Variants in CDC45 observed in about 807,000 individuals in gnomAD.
The protein encoded by CDC45 is cell division cycle 45.
In CDC45, 54 loss-of-function variants were observed where a neutral mutation model predicts 77.8. That is an observed-to-expected ratio of 0.69 (90% CI 0.56 to 0.87). The LOEUF (loss-of-function observed/expected upper bound fraction) is 0.87, where lower values mean the gene tolerates loss of function less well. Ranked by LOEUF, CDC45 falls within the 40% of genes least tolerant of loss-of-function variation. CDC45 has a pLI of 0.00. For synonymous variants in CDC45, 260 were observed against 272.1 expected (o/e 0.96, Z 0.44); for missense variants, 649 against 721.6 (o/e 0.90, Z 1.15).
rs2089972209 is a variant in CDC45, at chr22:19,481,013, C to T, written c.172C>T (p.Leu58Phe). 1.9e-6 allele frequency: 3 copies of T among 1,613,576 alleles called. No homozygotes were observed. The change falls in exon 3 of 19, where the codon CTT (leucine) becomes TTT (phenylalanine). Residue 58 changes from leucine to phenylalanine, a missense_variant. Leu to Phe is a conservative substitution (Grantham distance 22). Coordinates refer to ENST00000263201, the MANE Select transcript of CDC45 (RefSeq NM_003504.5). Reference protein sequence around the residue: ...TLVPVSGWQELETAFLEHKEQ... With the variant: ...TLVPVSGWQEFETAFLEHKEQ... Reference sequence around the variant, plus strand: ...GGTTCCAGTTTCTGGGTGGCAAGAACTTGAAACTGCATTTCTTGAGCATAA... The same window carrying T: ...GGTTCCAGTTTCTGGGTGGCAAGAATTTGAAACTGCATTTCTTGAGCATAA...
At chr22:19,486,405 A>G (rs1391170517) in intron 5 of CDC45, among the ~76,000 whole-genome samples, 1 of 152,212 alleles carries the variant, frequency 6.6e-6, no homozygotes, top group Admixed American at 6.5e-5. Flanking sequence ...TAAGACATTT[A>G]GCTATTCCTC....
Position 19,507,243 on chromosome 22 carries a change from T to C in CDC45, c.825-143T>C. On this transcript the variant is annotated intron_variant, in intron 10 of 18. Transcript: ENST00000263201. ...GCTTAAGCTAAGAAGGTCAAAGGGC[T>C]CCAGGTCACTCTTGGGATACCTGGT... The C allele has an allele frequency of 1.2e-5, 11 of 945,410 alleles. No individual in the cohort carries two copies. In the South Asian group the frequency reaches 1.4e-4, roughly 12 times the overall value. 58.6% of individuals were successfully genotyped at this position (945,410 alleles called of 1,614,324 possible).
At chr22:19,494,285 G>T in intron 5 of CDC45, 42 bp from the exon 6 acceptor site, 2 of 1,576,350 alleles carry the variant, frequency 1.3e-6, no homozygotes, top group South Asian at 1.1e-5. Context: ...TAAATTCCTG[G>T]TGCATTTGCT....
chr22:19,516,967 C>T (rs1365890684), intron 17 of CDC45, 74 bp downstream of exon 17: 3 of 1,300,758 alleles, frequency 2.3e-6, no homozygotes, highest in Non-Finnish European at 1.1e-6. Context: ...TGGAACCAAG[C>T]AAGTTGGCAT....
intron 5 of CDC45, among the ~76,000 whole-genome samples, chr22:19,490,521 C>T (rs1212387752): frequency 1.3e-5 from 2 of 151,662 alleles, no homozygotes; most frequent in Non-Finnish European, 2.9e-5. Flanking sequence ...ACTACAGGCA[C>T]GTGCCACCAC....
Position 19,516,528 on chromosome 22 carries a change from CAAAG to C in CDC45, c.1445_1448del (p.Lys482ThrfsTer10), listed in dbSNP as rs1933800287. The C allele has an allele frequency of 6.2e-7, 1 of 1,613,334 alleles. No individual in the cohort carries two copies. The highest frequency in any genetic ancestry group is 8.5e-7 in the Non-Finnish European group (1 of 1,179,482). ...GGAGGGTGCTCTCCGACTCCATAGA[CAAAG>C]AACCGGCGCTGCAAACTGCTGCCCC... On this transcript the variant is annotated frameshift_variant and splice_region_variant, in exon 16 of 19. Coordinates refer to ENST00000263201, the MANE Select transcript of CDC45 (RefSeq NM_003504.5). LOFTEE classifies it high-confidence loss of function.
chr22:19,482,824 C>A lies in CDC45; in HGVS notation c.339C>A (p.Thr113=), dbSNP rs139078695. ...ATGTCGTCAATGTATACAACGATAC[C>A]CAGGTACTTTTTGTGCTATGCCCTC... The part of the protein sequence containing the change: ...PVNVVNVYND[T]QIKLLIKQDD... Residue 113 remains threonine, a synonymous_variant, in exon 4 of 19, where the codon ACC becomes ACA. Transcript: ENST00000263201. The A allele has an allele frequency of 1.9e-6, 3 of 1,613,846 alleles. No homozygotes were observed. Among genetic ancestry groups the A allele is most frequent in the Non-Finnish European group, 2.5e-6 (3 of 1,179,808 alleles).
intron 6 of CDC45, chr22:19,494,640 T>C (rs2090211382): frequency 6.7e-6 from 9 of 1,344,068 alleles, no homozygotes; most frequent in Non-Finnish European, 9.3e-6. Context: ...CCCTGGCTCT[T>C]TATTTTTATC....
At chr22:19,504,690 G>A (rs569216660) in intron 9 of CDC45, among the ~76,000 whole-genome samples, 2 of 152,282 alleles carry the variant, frequency 1.3e-5, no homozygotes, top group African/African-American at 4.8e-5. Flanking sequence ...TCATCAGGGT[G>A]TACAAACTGC....
rs202209270 is a variant in CDC45 at position 19,494,349 on chromosome 22, G to C, written c.509G>C (p.Arg170Pro). The change falls in exon 6 of 19, where the codon CGG becomes CCG. Residue 170 changes from arginine (R) to proline (P), a missense_variant. Transcript: ENST00000263201. ...CAGGAGATAGTGGAGCAAACCATGC[G>C]GAGGAGGCAGCGGCGAGAGTGGGAG... The part of the protein sequence containing the change: ...LEEEIVEQTM[R>P]RRQRREWEAR... 6.2e-7 allele frequency: 1 copy of C among 1,613,116 alleles called. No homozygotes were observed. Among genetic ancestry groups the C allele is most frequent in the Non-Finnish European group, 8.5e-7 (1 of 1,180,014 alleles).
At chr22:19,488,836 A>T (rs1326396795) in intron 5 of CDC45, among the ~76,000 whole-genome samples, 1 of 152,186 alleles carries the variant, frequency 6.6e-6, no homozygotes. Flanking sequence ...TTACAGATTC[A>T]CATGTAGTTG....
Position 19,483,892 on chromosome 22 carries a change from C to T in CDC45, c.373C>T (p.Leu125Phe), listed in dbSNP as rs554571750. ...ATTACTCATTAAACAAGATGATGAC[C>T]TTGAAGTTCCCGCCTATGAAGACAT... ...IKLLIKQDDD[L>F]EVPAYEDIFR... The change falls in exon 5 of 19, where the codon CTT becomes TTT. Residue 125 changes from leucine (L) to phenylalanine (F), a missense_variant. Coordinates refer to ENST00000263201, the MANE Select transcript of CDC45 (RefSeq NM_003504.5). The T allele has an allele frequency of 1.1e-5, 17 of 1,612,570 alleles. No individual in the cohort carries two copies. In the South Asian group the frequency reaches 1.1e-4, roughly 10 times the overall value.
chr22:19,514,739 C>T lies in CDC45; in HGVS notation c.1218-10C>T. On this transcript the variant is annotated splice_polypyrimidine_tract_variant and intron_variant, in intron 13 of 18. Coordinates refer to ENST00000263201, the MANE Select transcript of CDC45 (RefSeq NM_003504.5). ...AGCACCACCAAAGCCATGTGTCTGCCCTGTTACAGGAGTAACCTGGACAAG... is the reference window on the plus strand; with the variant it reads ...AGCACCACCAAAGCCATGTGTCTGCTCTGTTACAGGAGTAACCTGGACAAG... 1 of 1,595,212 alleles carries T rather than the reference C, an allele frequency of 6.3e-7. No individual in the cohort carries two copies.
At chr22:19,509,175 A>G (rs1352471640) in intron 13 of CDC45, among the ~76,000 whole-genome samples, 1 of 152,198 alleles carries the variant, frequency 6.6e-6, no homozygotes, top group African/African-American at 2.4e-5. Flanking sequence ...CATCAGAGAA[A>G]AATATCTCCA....
chr22:19,493,140 A>AGAGTAGATG (rs1186754324), intron 5 of CDC45, among the ~76,000 whole-genome samples: 1 of 151,980 alleles, frequency 6.6e-6, no homozygotes, highest in African/African-American at 2.4e-5. Flanking sequence ...GGTGTTGGCT[A>AGAGTAGATG]GAGTAGATGG....
At chr22:19,511,354 A>T in intron 13 of CDC45, among the ~76,000 whole-genome samples, 2 of 141,128 alleles carry the variant, frequency 1.4e-5, no homozygotes, top group African/African-American at 2.7e-5. Flanking sequence ...TTTTTGAGAC[A>T]GGGTGTCACT....
intron 5 of CDC45, among the ~76,000 whole-genome samples, chr22:19,492,189 G>A (rs1047063163): frequency 6.6e-6 from 1 of 151,988 alleles, no homozygotes; most frequent in Non-Finnish European, 1.5e-5. Context: ...CTCCTCCAGG[G>A]CACTGATGAC....
chr22:19,502,277 A>G (rs867554959), intron 9 of CDC45, among the ~76,000 whole-genome samples: 2 of 152,356 alleles, frequency 1.3e-5, no homozygotes, highest in South Asian at 4.1e-4. Context: ...CAATAAACTC[A>G]GAAAAAAGAT....
At chr22:19,481,937 G>C (rs1366378491) in intron 3 of CDC45, among the ~76,000 whole-genome samples, 1 of 152,160 alleles carries the variant, frequency 6.6e-6, no homozygotes, top group African/African-American at 2.4e-5. Flanking sequence ...CTCCCAAAGT[G>C]CTGGAATTAG....
Sources: gnomAD v4.1 joint callset for allele counts (sites outside exome capture counted in the v4.1 genomes callset) on GRCh38, gnomAD v4.1.1 for gene constraint, MANE v1.5 for transcripts, NCBI Gene and HGNC (gene_info 2026-07-23, HGNC 2026-07-21) for gene names.